Variants in MLXIPL observed in about 807,000 individuals in gnomAD.
MLXIPL encodes the protein MLX interacting protein like.
MLXIPL carries 49 observed loss-of-function variants against 81.5 expected under a neutral mutation model. The observed-to-expected ratio is 0.60, with a 90% CI of 0.48 to 0.76. MLXIPL has a LOEUF of 0.76. Ranked by LOEUF, MLXIPL falls within the 30% of genes least tolerant of loss-of-function variation. The pLI is 0.00. For synonymous variants in MLXIPL, 466 were observed against 485.5 expected, an observed-to-expected ratio of 0.96 and a Z score of 0.53; for missense variants, 1,053 against 1,167.0, an observed-to-expected ratio of 0.90 and a Z score of 1.42.
intron 7 of MLXIPL, among the ~76,000 whole-genome samples, chr7:73,601,960 G>A (rs1794862090): frequency 1.3e-5 from 2 of 152,066 alleles, no homozygotes; most frequent in African/African-American, 2.4e-5. Flanking sequence ...CTGTCGCTCC[G>A]TCTGAGGCCA....
intron 2 of MLXIPL, among the ~76,000 whole-genome samples, chr7:73,612,208 G>A (rs1298596512): frequency 6.6e-6 from 1 of 152,126 alleles, no homozygotes; most frequent in Non-Finnish European, 1.5e-5. Context: ...GCGCATGCCT[G>A]TAGTCCCAGC....
intron 7 of MLXIPL, among the ~76,000 whole-genome samples, chr7:73,602,440 G>A (rs1189487435): frequency 2.0e-5 from 3 of 151,198 alleles, no homozygotes; most frequent in South Asian, 2.1e-4. Flanking sequence ...AGAGGCTGAG[G>A]TGGACGGATC....
At chr7:73,643,489 G>T in the MLXIPL span, among the ~76,000 whole-genome samples, 8 of 151,542 alleles carry the variant, frequency 5.3e-5, no homozygotes, top group African/African-American at 1.9e-4. Flanking sequence ...ACTCCAGCCT[G>T]GGCGACAGAG....
chr7:73,626,784 G>A (rs1796762499), upstream of MLXIPL, among the ~76,000 whole-genome samples: 1 of 152,210 alleles, frequency 6.6e-6, no homozygotes, highest in Non-Finnish European at 1.5e-5. Context: ...AAGAGTTGTA[G>A]GCACATGCTA....
intron 2 of MLXIPL, chr7:73,609,219 C>A (rs566069150): frequency 6.7e-6 from 1 of 149,448 alleles, no homozygotes; most frequent in East Asian, 1.9e-4. Flanking sequence ...TTCTTTATCT[C>A]CTAGCTTCCC....
At chr7:73,624,563 C>T (rs2736903), upstream of MLXIPL, 4 of 1,455,158 alleles carry the variant, frequency 2.7e-6, 1 homozygote, top group South Asian at 5.5e-5. Context: ...CCAGCCGGGC[C>T]TCATTAACAT....
At chr7:73,602,165 T>TTCCTTCC (rs1554596517) in intron 7 of MLXIPL, among the ~76,000 whole-genome samples, 16 of 148,578 alleles carry the variant, frequency 1.1e-4, no homozygotes, top group South Asian at 4.3e-4. Flanking sequence ...CCTTCCTTCC[T>TTCCTTCC]TTCTTTCCCT....
chr7:73,600,177 G>A (rs1025818294), intron 7 of MLXIPL, among the ~76,000 whole-genome samples: 2 of 151,660 alleles, frequency 1.3e-5, no homozygotes, highest in African/African-American at 2.4e-5. Context: ...GAGGGGGAAC[G>A]TGAGGTCACT....
At chr7:73,624,555 A>G, upstream of MLXIPL, 1 of 1,462,214 alleles carries the variant, frequency 6.8e-7, no homozygotes, top group Non-Finnish European at 9.0e-7. Flanking sequence ...GCTCTTGGCC[A>G]GCCGGGCCTC....
intron 15 of MLXIPL, among the ~76,000 whole-genome samples, chr7:73,594,843 G>A (rs1300320897): frequency 5.2e-5 from 6 of 114,950 alleles, no homozygotes; most frequent in African/African-American, 1.0e-4. Context: ...CACTGTGCTC[G>A]GACTTTTTTT....
the MLXIPL span, among the ~76,000 whole-genome samples, chr7:73,640,853 A>G: frequency 1.3e-4 from 19 of 151,906 alleles, no homozygotes; most frequent in South Asian, 1.0e-3. Flanking sequence ...TGAGGACCCC[A>G]AAGTCCAGAG....
chr7:73,606,008 T>G lies in MLXIPL; in HGVS notation c.722A>C (p.Gln241Pro). 6.3e-7 allele frequency: 1 copy of G among 1,586,994 alleles called. No homozygotes were observed. Among genetic ancestry groups the G allele is most frequent in the Non-Finnish European group, 8.6e-7 (1 of 1,166,448 alleles). ...GDPEEEPGGR[Q>P]LLDLNCFLSD... ...CAAAAAGCAATTGAGGTCCAGGAGCTGCCGCCCACCCGGCTCCTCCTCTGG... is the reference window on the plus strand; with the variant it reads ...CAAAAAGCAATTGAGGTCCAGGAGCGGCCGCCCACCCGGCTCCTCCTCTGG... The change falls in exon 6 of 17, where the codon CAG (glutamine) becomes CCG (proline). Residue 241 changes from glutamine to proline, a missense_variant. Physicochemically the swap from Gln to Pro is moderately conservative, Grantham distance 76. This residue lies in a region of MLXIPL where 823 missense variants were observed against 933.0 expected (regional missense o/e 0.88). Transcript: ENST00000313375.
chr7:73,631,766 CCT>C, the MLXIPL span, among the ~76,000 whole-genome samples: 3 of 147,960 alleles, frequency 2.0e-5, no homozygotes, highest in African/African-American at 7.5e-5. Context: ...TCCCTCTCTC[CCT>C]CTCTCCCTCT....
chr7:73,599,596 C>A lies in MLXIPL; in HGVS notation c.1001G>T (p.Gly334Val), dbSNP rs782427958. ...CGGGGGCACCTCTGGGCCCAGGGTCCCACTGCTGAAGAGGGAGTCAACCAC... is the reference window on the plus strand; with the variant it reads ...CGGGGGCACCTCTGGGCCCAGGGTCACACTGCTGAAGAGGGAGTCAACCAC... ...SPVVDSLFSS[G>V]TLGPEVPPAS... Residue 334 changes from glycine to valine, a missense_variant, in exon 8 of 17, where the codon GGG becomes GTG. This residue lies in a region of MLXIPL where 823 missense variants were observed against 933.0 expected (regional missense o/e 0.88). Coordinates refer to ENST00000313375, the MANE Select transcript of MLXIPL (RefSeq NM_032951.3). The A allele has an allele frequency of 1.5e-5, 24 of 1,612,432 alleles. No individual in the cohort carries two copies. In the Middle Eastern group the frequency reaches 8.3e-4, roughly 55 times the overall value.
the MLXIPL span, among the ~76,000 whole-genome samples, chr7:73,632,112 C>T: frequency 6.6e-6 from 1 of 151,426 alleles, no homozygotes; most frequent in East Asian, 1.9e-4. Flanking sequence ...CCTGCCTCAG[C>T]CTCCTAAGTA....
At chr7:73,642,420 T>C in the MLXIPL span, among the ~76,000 whole-genome samples, 31,338 of 152,026 alleles carry the variant, frequency 0.21, 3,450 homozygotes, top group African/African-American at 0.29. Context: ...AGTGCGATCT[T>C]GGCTCACTGT....
At chr7:73,634,425 T>G in the MLXIPL span, among the ~76,000 whole-genome samples, 1 of 152,124 alleles carries the variant, frequency 6.6e-6, no homozygotes, top group African/African-American at 2.4e-5. Context: ...AGAGTCTTAC[T>G]CTGTTGCTCA....
chr7:73,614,856 G>C (rs1795912319), intron 2 of MLXIPL, among the ~76,000 whole-genome samples: 2 of 144,330 alleles, frequency 1.4e-5, no homozygotes, highest in Admixed American at 1.4e-4. Flanking sequence ...TGTCGCCCAG[G>C]CTGGAGTGCA....
chr7:73,608,373 A>G (rs1242758132), intron 2 of MLXIPL, among the ~76,000 whole-genome samples: 2 of 151,624 alleles, frequency 1.3e-5, no homozygotes, highest in African/African-American at 4.8e-5. Context: ...GTGAATAACG[A>G]GGCCAGGAGA....
Sources: gnomAD v4.1 joint callset for allele counts (sites outside exome capture counted in the v4.1 genomes callset) on GRCh38, gnomAD v4.1.1 for gene constraint, gnomAD v4.1.1 regional missense constraint, MANE v1.5 for transcripts, NCBI Gene and HGNC (gene_info 2026-07-23, HGNC 2026-07-21) for gene names.